ANK3: variants seen among roughly 807,000 people sequenced by gnomAD.
ANK3 encodes the protein ankyrin 3.
ANK3 carries 57 observed loss-of-function variants against 370.9 expected under a neutral mutation model. The ratio of observed to expected loss-of-function variants is 0.15; its 90% CI spans 0.12 to 0.19. ANK3 has a LOEUF of 0.19. Among genes scored for constraint, ANK3 ranks in the 10% least tolerant of loss-of-function variants. The pLI, the probability that ANK3 is intolerant of heterozygous loss-of-function variation, is 1.00. For synonymous variants in ANK3, 1,929 were observed against 1,946.3 expected, an observed-to-expected ratio of 0.99 and a Z score of 0.23; for missense variants, 4,439 against 5,302.1, an observed-to-expected ratio of 0.84 and a Z score of 5.06.
intron 23 of ANK3, among the ~76,000 whole-genome samples, chr10:60,160,587 G>GAC (rs546939630): frequency 6.6e-6 from 1 of 151,772 alleles, no homozygotes; most frequent in Non-Finnish European, 1.5e-5. Context: ...ACCAGACAAA[G>GAC]ACACACACAC....
intron 1 of ANK3, among the ~76,000 whole-genome samples, chr10:60,320,963 ATC>A (rs755827679): frequency 2.0e-5 from 3 of 152,184 alleles, no homozygotes; most frequent in Non-Finnish European, 4.4e-5. Flanking sequence ...CTGGTTGAAA[ATC>A]ACTATTACAG....
chr10:60,679,521 T>C (rs2079167171), intron 1 of ANK3, among the ~76,000 whole-genome samples: 1 of 152,100 alleles, frequency 6.6e-6, no homozygotes, highest in Admixed American at 6.5e-5. Context: ...TTAACCAGTA[T>C]ATGACCTTCT....
intron 1 of ANK3, among the ~76,000 whole-genome samples, chr10:60,722,019 T>G (rs2079870609): frequency 6.6e-6 from 1 of 152,112 alleles, no homozygotes; most frequent in African/African-American, 2.4e-5. Flanking sequence ...ACACTGATTT[T>G]TCAAACATCT....
intron 42 of ANK3, 88 bp downstream of exon 42, chr10:60,055,569 TG>T: frequency 6.8e-7 from 1 of 1,464,090 alleles, no homozygotes. Context: ...TAAAAAACCT[TG>T]GGCCCCCGGC....
chr10:60,312,513 G>T (rs1195283319), intron 1 of ANK3, among the ~76,000 whole-genome samples: 1 of 152,076 alleles, frequency 6.6e-6, no homozygotes, highest in Non-Finnish European at 1.5e-5. Flanking sequence ...TCTTACCTAT[G>T]GACATTGTCA....
intron 1 of ANK3, among the ~76,000 whole-genome samples, chr10:60,307,232 C>G (rs922121365): frequency 2.6e-5 from 4 of 152,208 alleles, no homozygotes; most frequent in African/African-American, 9.6e-5. Context: ...GTTTGGCCAA[C>G]AAAACCTAAA....
intron 1 of ANK3, among the ~76,000 whole-genome samples, chr10:60,718,913 T>G (rs1031180640): frequency 1.3e-5 from 2 of 152,284 alleles, no homozygotes; most frequent in Admixed American, 1.3e-4. Context: ...AACCTAAATT[T>G]TTTTCTTGTG....
chr10:60,502,829 A>AAGAAAGAAG (rs2075838297), intron 2 of ANK3, among the ~76,000 whole-genome samples: 2 of 149,210 alleles, frequency 1.3e-5, no homozygotes, highest in Non-Finnish European at 3.0e-5. Flanking sequence ...AAGAAAAGAA[A>AAGAAAGAAG]GAAGGAGTAA....
At chr10:60,359,563 T>C (rs186050756) in intron 1 of ANK3, among the ~76,000 whole-genome samples, 58 of 152,374 alleles carry the variant, frequency 3.8e-4, no homozygotes, top group African/African-American at 1.4e-3. Context: ...GATTATATTT[T>C]ATTGGTGTGA....
intron 2 of ANK3, among the ~76,000 whole-genome samples, chr10:60,605,201 C>G (rs1009745413): frequency 6.6e-5 from 10 of 152,102 alleles, no homozygotes; most frequent in Non-Finnish European, 1.2e-4. Context: ...AGCCACAGAC[C>G]AGCTTTCAGT....
chr10:60,050,142 A>C (rs1178325498), intron 42 of ANK3, among the ~76,000 whole-genome samples: 1 of 152,164 alleles, frequency 6.6e-6, no homozygotes, highest in Non-Finnish European at 1.5e-5. Context: ...ACCCCAACCC[A>C]GAGAACATGT....
chr10:60,517,079 G>GACA (rs1180941244), intron 2 of ANK3, among the ~76,000 whole-genome samples: 1 of 151,900 alleles, frequency 6.6e-6, no homozygotes, highest in African/African-American at 2.4e-5. Flanking sequence ...TTTTCTGTTT[G>GACA]GTTTTTTGAC....
chr10:60,048,414 T>C (rs16914605), intron 42 of ANK3, among the ~76,000 whole-genome samples: 2,968 of 152,256 alleles, frequency 0.019, 64 homozygotes, highest in African/African-American at 0.047. Flanking sequence ...TGATTTAGCC[T>C]AGCAAAAAGG....
At chr10:60,477,518 C>CAG (rs1300693580) in intron 2 of ANK3, among the ~76,000 whole-genome samples, 1 of 85,060 alleles carries the variant, frequency 1.2e-5, no homozygotes, top group African/African-American at 4.6e-5. Context: ...GACAGACATA[C>CAG]ACACACACAC....
intron 28 of ANK3, among the ~76,000 whole-genome samples, chr10:60,104,504 A>G (rs1429253186): frequency 6.6e-6 from 1 of 152,056 alleles, no homozygotes; most frequent in Non-Finnish European, 1.5e-5. Flanking sequence ...ACATCTCTGA[A>G]CTTCAGTTTC....
intron 2 of ANK3, among the ~76,000 whole-genome samples, chr10:60,590,582 T>C (rs1050088700): frequency 1.6e-4 from 24 of 152,230 alleles, no homozygotes; most frequent in African/African-American, 5.8e-4. Context: ...ACATGAAGAA[T>C]GGTTATATAT....
intron 1 of ANK3, among the ~76,000 whole-genome samples, chr10:60,323,952 A>G (rs1036150947): frequency 6.6e-6 from 1 of 152,196 alleles, no homozygotes; most frequent in African/African-American, 2.4e-5. Flanking sequence ...AGCATGGATG[A>G]TGTAGTAAGG....
rs2092437041 is a variant in ANK3 at position 60,108,721 on chromosome 10, A to G, written c.3173+109T>C. On this transcript the variant is annotated intron_variant, in intron 27 of 43. Coordinates refer to ENST00000280772, the MANE Select transcript of ANK3 (RefSeq NM_020987.5). ...TGACACTTTACAAAAAGTATACTCA[A>G]TCAGGTACAACTAAGCAGTTTTAAG... 4 of 874,656 alleles carry G rather than the reference A, an allele frequency of 4.6e-6. No homozygotes were observed. In the South Asian group the frequency reaches 5.0e-5, roughly 11 times the overall value. The allele number at this position is 874,656 out of a possible 1,614,324, so 54.2% of individuals were successfully genotyped here. A position where few individuals can be genotyped will look rare whatever the true frequency, so the allele number is the denominator to read the frequency against.
chr10:60,623,300 G>A (rs1037507371), intron 1 of ANK3, among the ~76,000 whole-genome samples: 1 of 152,148 alleles, frequency 6.6e-6, no homozygotes, highest in Non-Finnish European at 1.5e-5. Context: ...GTGCCACAGA[G>A]ATGTACAAAG....
Sources: allele counts gnomAD v4.1 joint callset (sites outside exome capture counted in the v4.1 genomes callset), GRCh38; gene constraint gnomAD v4.1.1; transcripts MANE v1.5; gene names NCBI Gene and HGNC (gene_info 2026-07-23, HGNC 2026-07-21).